Variants in CCDC178 observed in about 807,000 individuals in gnomAD.
CCDC178 encodes the protein coiled-coil domain containing 178, also known as coiled-coil domain-containing protein 178.
Under a neutral mutation model 117.4 loss-of-function variants are expected in CCDC178, and 126 were observed. That is an observed-to-expected ratio of 1.07 (90% CI 0.93 to 1.24). The LOEUF (loss-of-function observed/expected upper bound fraction) is 1.24, where lower values mean the gene tolerates loss of function less well. Among genes scored for constraint, CCDC178 ranks in the 50% most tolerant of loss-of-function variants. CCDC178 has a pLI of 0.00. For missense variants in CCDC178, 1,030 were observed against 986.9 expected, an observed-to-expected ratio of 1.04 and a Z score of -0.59; for synonymous variants, 283 against 313.4, an observed-to-expected ratio of 0.90 and a Z score of 1.02.
chr18:33,291,865 A>G (rs998609542), intron 12 of CCDC178, among the ~76,000 whole-genome samples: 1 of 152,122 alleles, frequency 6.6e-6, no homozygotes, highest in Non-Finnish European at 1.5e-5. Flanking sequence ...TCATGTCAAA[A>G]CTGCACACCC....
chr18:32,983,379 A>T, intron 21 of CCDC178: 1 of 1,375,772 alleles, frequency 7.3e-7, no homozygotes, highest in Non-Finnish European at 1.0e-6. Context: ...TACAAATATT[A>T]CAAATGAAGC....
intron 4 of CCDC178, among the ~76,000 whole-genome samples, chr18:33,393,173 T>A (rs1447494072): frequency 6.6e-6 from 1 of 152,208 alleles, no homozygotes; most frequent in Non-Finnish European, 1.5e-5. Context: ...CCAGATCCTT[T>A]ATACCTATGA....
chr18:33,071,232 T>G (rs1038415453), intron 21 of CCDC178, among the ~76,000 whole-genome samples: 1 of 152,060 alleles, frequency 6.6e-6, no homozygotes, highest in African/African-American at 2.4e-5. Flanking sequence ...GAGGAATGAA[T>G]TGGTCATGTA....
chr18:33,097,197 T>C (rs140513366), intron 20 of CCDC178, among the ~76,000 whole-genome samples: 176 of 152,264 alleles, frequency 1.2e-3, no homozygotes, highest in Non-Finnish European at 7.1e-4. Context: ...ATACAGCTTC[T>C]GCCTGGCCCT....
chr18:33,189,701 C>T (rs118049185), intron 20 of CCDC178, among the ~76,000 whole-genome samples: 295 of 152,154 alleles, frequency 1.9e-3, no homozygotes, highest in South Asian at 4.8e-3. Context: ...AGAAGCAAAA[C>T]GTATTTTTTA....
chr18:33,258,040 C>A (rs2059700421), intron 14 of CCDC178, among the ~76,000 whole-genome samples: 1 of 152,020 alleles, frequency 6.6e-6, no homozygotes, highest in African/African-American at 2.4e-5. Context: ...TCTGAATGCC[C>A]TACCATTTAT....
intron 18 of CCDC178, among the ~76,000 whole-genome samples, 189 bp downstream of exon 18, chr18:33,222,917 C>G (rs1244546989): frequency 6.6e-6 from 1 of 152,010 alleles, no homozygotes; most frequent in African/African-American, 2.4e-5. Flanking sequence ...GAGGAAGATA[C>G]TGCAAGAGAA....
chr18:32,951,198 G>A (rs2054475573), intron 22 of CCDC178, among the ~76,000 whole-genome samples: 1 of 152,124 alleles, frequency 6.6e-6, no homozygotes, highest in South Asian at 2.1e-4. Context: ...TAATCCTACT[G>A]AAATAATTCT....
chr18:32,947,909 T>C (rs2054391942), intron 22 of CCDC178, among the ~76,000 whole-genome samples: 2 of 152,146 alleles, frequency 1.3e-5, no homozygotes, highest in Admixed American at 1.3e-4. Context: ...ATTTTATTTA[T>C]TTTCACATAG....
At chr18:33,378,959 T>C (rs918918760) in intron 5 of CCDC178, among the ~76,000 whole-genome samples, 1 of 151,700 alleles carries the variant, frequency 6.6e-6, no homozygotes, top group African/African-American at 2.4e-5. Context: ...GTAGAATTAG[T>C]TTGGGAGGAG....
At chr18:33,142,193 T>C (rs1198293688) in intron 20 of CCDC178, among the ~76,000 whole-genome samples, 1 of 152,140 alleles carries the variant, frequency 6.6e-6, no homozygotes, top group African/African-American at 2.4e-5. Flanking sequence ...CCAGAGACTT[T>C]TTAGTGGTCA....
At chr18:33,040,629 A>G (rs2056530930) in intron 21 of CCDC178, among the ~76,000 whole-genome samples, 1 of 151,978 alleles carries the variant, frequency 6.6e-6, no homozygotes, top group African/African-American at 2.4e-5. Flanking sequence ...ACTCCAAGCC[A>G]TTTAGGAAGG....
intron 20 of CCDC178, among the ~76,000 whole-genome samples, chr18:33,164,824 C>A (rs570571045): frequency 6.6e-6 from 1 of 152,114 alleles, no homozygotes; most frequent in Non-Finnish European, 1.5e-5. Flanking sequence ...TTTGATACTA[C>A]ACCCCAACTC....
chr18:33,394,317 C>T (rs369651268), intron 4 of CCDC178, among the ~76,000 whole-genome samples: 12 of 151,828 alleles, frequency 7.9e-5, no homozygotes, highest in African/African-American at 2.4e-4. Context: ...TTTACAATAA[C>T]ACATATTAAT....
intron 14 of CCDC178, among the ~76,000 whole-genome samples, chr18:33,253,236 G>T (rs1486974710): frequency 6.6e-6 from 1 of 151,830 alleles, no homozygotes; most frequent in Non-Finnish European, 1.5e-5. Context: ...AACAAAGTCT[G>T]TTAACAAATA....
intron 22 of CCDC178, among the ~76,000 whole-genome samples, chr18:32,947,922 A>G (rs2054392209): frequency 2.0e-5 from 3 of 152,134 alleles, no homozygotes; most frequent in South Asian, 2.1e-4. Context: ...TCACATAGAT[A>G]TGCAATTTTA....
chr18:33,293,172 G>T lies in CCDC178; in HGVS notation c.1163C>A (p.Ser388Tyr). ...TGAAAAACTCACCATTTTTGATAGA[G>T]AATGTAATTCATTTTTTGATGACTT... ...ETKSSKNELH[S>Y]LSKMLEDLRR... The change falls in exon 12 of 23, where the codon TCT becomes TAT. Residue 388 changes from serine to tyrosine, a missense_variant. Physicochemically the swap from Ser to Tyr is moderately radical, Grantham distance 144. Coordinates refer to ENST00000383096, the MANE Select transcript of CCDC178 (RefSeq NM_001105528.4). 3.8e-6 allele frequency: 6 copies of T among 1,578,022 alleles called. No individual in the cohort carries two copies. The highest frequency in any genetic ancestry group is 1.8e-5 in the Admixed American group (1 of 56,006).
rs1000072214 is a variant in CCDC178, at chr18:33,329,886, T to A, written c.879+3288A>T. Among the ~76,000 whole-genome samples the A allele has an allele frequency of 5.0e-3, 738 of 148,640 alleles. 6 individuals are homozygous for A. The highest frequency in any genetic ancestry group is 0.021 in the Middle Eastern group (6 of 284). On this transcript the variant is annotated intron_variant, in intron 10 of 22. Coordinates refer to ENST00000383096, the MANE Select transcript of CCDC178 (RefSeq NM_001105528.4). ...TTGGAGAATTATTAGAGTGTGTGTGTGTGTGTGTGTGTGTGTGTGTGTGTG... is the reference window on the plus strand; with the variant it reads ...TTGGAGAATTATTAGAGTGTGTGTGAGTGTGTGTGTGTGTGTGTGTGTGTG...
intron 20 of CCDC178, among the ~76,000 whole-genome samples, chr18:33,160,382 T>A (rs974844859): frequency 3.9e-5 from 6 of 152,158 alleles, no homozygotes; most frequent in African/African-American, 9.6e-5. Flanking sequence ...TGGTAAATAA[T>A]CTGTGTGATT....
Sources: allele counts gnomAD v4.1 joint callset (sites outside exome capture counted in the v4.1 genomes callset), GRCh38; gene constraint gnomAD v4.1.1; transcripts MANE v1.5; gene names NCBI Gene and HGNC (gene_info 2026-07-23, HGNC 2026-07-21).